PSMD5: variants seen among roughly 807,000 people sequenced by gnomAD.
PSMD5 encodes the protein proteasome 26S subunit, non-ATPase 5.
Under a neutral mutation model 52.1 loss-of-function variants are expected in PSMD5, and 40 were observed. The observed-to-expected ratio is 0.77, with a 90% CI of 0.60 to 1.00. The LOEUF (loss-of-function observed/expected upper bound fraction) is 1.00. PSMD5 is among the 50% of genes least tolerant of loss of function. The pLI is 0.00. For missense variants in PSMD5, 575 were observed against 605.2 expected (o/e 0.95, Z 0.52); for synonymous variants, 211 against 226.6 (o/e 0.93, Z 0.62).
chr9:120,833,441 C>T lies in PSMD5; in HGVS notation c.189G>A (p.Leu63=), dbSNP rs926857885. The T allele has an allele frequency of 1.9e-6, 3 of 1,613,504 alleles. No individual in the cohort carries two copies. Among genetic ancestry groups the T allele is most frequent in the Middle Eastern group, 1.7e-4 (1 of 6,042 alleles). ...LNENHREKTT[L]CVSILERLLQ... ...GCAATCTCTCCAGAATGGATACACACAAAGTAGTCTTTTCCCTGAAGGAGA... is the reference window on the plus strand; with the variant it reads ...GCAATCTCTCCAGAATGGATACACATAAAGTAGTCTTTTCCCTGAAGGAGA... The change falls in exon 2 of 10, where the codon TTG becomes TTA. Residue 63 remains leucine, a synonymous_variant. Transcript: ENST00000210313.
At chr9:120,827,459 T>G (rs2045130386) in intron 5 of PSMD5, among the ~76,000 whole-genome samples, 1 of 152,238 alleles carries the variant, frequency 6.6e-6, no homozygotes, top group Admixed American at 6.5e-5. Context: ...TTAACAATAA[T>G]TCTTTGGTAT....
Position 120,842,763 on chromosome 9 carries a change from G to A in PSMD5, c.147C>T (p.Leu49=), listed in dbSNP as rs1206631291. The change falls in exon 1 of 10, where the codon CTC becomes CTT. Residue 49 remains leucine, a synonymous_variant. Transcript: ENST00000210313. ...TATGGTTCTCGTTAAGCAGGGAGAA[G>A]AGCGGGCCGAGGCGCAGCTCCGCCG... The part of the protein sequence containing the change: ...QQAAELRLGP[L]FSLLNENHRE... 3 of 1,613,278 alleles carry A rather than the reference G, an allele frequency of 1.9e-6. No individual in the cohort carries two copies. Among genetic ancestry groups the A allele is most frequent in the South Asian group, 1.1e-5 (1 of 91,076 alleles).
chr9:120,829,120 G>T lies in PSMD5; in HGVS notation c.650C>A (p.Thr217Asn), dbSNP rs771002535. Reference protein sequence around the residue: ...GLVTQLLRELTGEDVLVRATC... With the variant: ...GLVTQLLRELNGEDVLVRATC... Reference sequence around the variant, plus strand: ...ACACCTGACCAACACATCCTCACCAGTCAGCTCTCTCAGGAGCTGGGTTAC... The same window carrying T: ...ACACCTGACCAACACATCCTCACCATTCAGCTCTCTCAGGAGCTGGGTTAC... The change falls in exon 5 of 10, where the codon ACT (threonine) becomes AAT (asparagine). Residue 217 changes from threonine (T) to asparagine (N), a missense_variant. Thr to Asn is a moderately conservative substitution (Grantham distance 65). Coordinates refer to ENST00000210313, the MANE Select transcript of PSMD5 (RefSeq NM_005047.4). The T allele has an allele frequency of 1.4e-5, 22 of 1,600,832 alleles. No individual in the cohort carries two copies. Among genetic ancestry groups the T allele is most frequent in the Middle Eastern group, 1.7e-4 (1 of 5,996 alleles).
rs1240790191 is a variant in PSMD5, at chr9:120,831,864, T to C, written c.400A>G (p.Ile134Val). 7.4e-6 allele frequency: 12 copies of C among 1,613,334 alleles called. No homozygotes were observed. Among genetic ancestry groups the C allele is most frequent in the Non-Finnish European group, 1.0e-5 (12 of 1,179,890 alleles). The change falls in exon 3 of 10, where the codon ATT (isoleucine) becomes GTT (valine). Residue 134 changes from isoleucine to valine, a missense_variant. Physicochemically the swap from Ile to Val is conservative, Grantham distance 29. Transcript: ENST00000210313. ...AELLKQIVYC[I>V]GGENLSVAKA... is the part of the protein sequence containing the mutation. ...GCTACAGATAGATTCTCTCCACCAA[T>C]GCAATAAACAATTTGTTTTAGTAAT...
intron 7 of PSMD5, 89 bp from the exon 8 acceptor site, chr9:120,821,553 T>A: frequency 1.1e-6 from 1 of 873,538 alleles, no homozygotes; most frequent in Non-Finnish European, 1.7e-6. Flanking sequence ...TAGTGTATAG[T>A]TCAGTGCTAT....
intron 9 of PSMD5, among the ~76,000 whole-genome samples, chr9:120,819,164 C>A (rs1588065358): frequency 6.6e-6 from 1 of 152,120 alleles, no homozygotes; most frequent in African/African-American, 2.4e-5. Context: ...AAAGAAGTAA[C>A]AAGTTTATGG....
chr9:120,831,251 T>TA, intron 4 of PSMD5, 80 bp downstream of exon 4: 1 of 1,418,558 alleles, frequency 7.0e-7, no homozygotes, highest in Non-Finnish European at 9.4e-7. Flanking sequence ...ATTATATACT[T>TA]AATGAGCCAT....
At position 120,833,322 on chromosome 9, in the gene PSMD5, G is replaced by A; in HGVS notation, c.308C>T (p.Thr103Ile). 1 of 1,613,992 alleles carries A rather than the reference G, an allele frequency of 6.2e-7. No individual in the cohort carries two copies. The highest frequency in any genetic ancestry group is 8.5e-7 in the Non-Finnish European group (1 of 1,179,892). ...IHPDDSVKILTLSQIGRIVEN... is the reference protein window; with the variant it reads ...IHPDDSVKILILSQIGRIVEN... ...AGTAGAATTTCATACCTGGGAAAGA[G>A]TGAGGATTTTTACAGAATCATCAGG... The change falls in exon 2 of 10, where the codon ACT (threonine) becomes ATT (isoleucine). Residue 103 changes from threonine (T) to isoleucine (I), a missense_variant. Thr to Ile is a moderately conservative substitution (Grantham distance 89). Transcript: ENST00000210313.
At chr9:120,831,802 C>T in intron 3 of PSMD5, 30 bp downstream of exon 3, 1 of 1,600,596 alleles carries the variant, frequency 6.2e-7, no homozygotes, top group Non-Finnish European at 8.5e-7. Flanking sequence ...TGTCTCTGCA[C>T]ATTTAAGTCA....
chr9:120,824,948 C>T (rs1445744533), intron 6 of PSMD5: 1 of 295,386 alleles, frequency 3.4e-6, no homozygotes, highest in Non-Finnish European at 6.2e-6. Flanking sequence ...GAAAAAGGAC[C>T]AGTGGATACA....
chr9:120,821,025 G>T, intron 8 of PSMD5, 46 bp from the exon 9 acceptor site: 1 of 1,527,618 alleles, frequency 6.5e-7, no homozygotes, highest in Non-Finnish European at 8.7e-7. Flanking sequence ...AACTGATCTG[G>T]AGAAAAGCAC....
chr9:120,823,354 A>G (rs1335181387), intron 7 of PSMD5, among the ~76,000 whole-genome samples: 1 of 150,630 alleles, frequency 6.6e-6, no homozygotes, highest in Non-Finnish European at 1.5e-5. Context: ...GACTGCAGGC[A>G]TGCACCACCA....
intron 1 of PSMD5, among the ~76,000 whole-genome samples, chr9:120,837,391 C>T (rs115468503): frequency 6.6e-6 from 1 of 152,236 alleles, no homozygotes; most frequent in South Asian, 2.1e-4. Flanking sequence ...GACAAGCTCT[C>T]TCTGTCACCC....
chr9:120,842,756 G>A lies in PSMD5; in HGVS notation c.154C>T (p.Leu52=), dbSNP rs1265976814. ...TCTCACCTATGGTTCTCGTTAAGCAGGGAGAAGAGCGGGCCGAGGCGCAGC... is the reference window on the plus strand; with the variant it reads ...TCTCACCTATGGTTCTCGTTAAGCAAGGAGAAGAGCGGGCCGAGGCGCAGC... ...AELRLGPLFS[L]LNENHREKTT... The change falls in exon 1 of 10, where the codon CTG becomes TTG. Residue 52 remains leucine, a synonymous_variant. Coordinates refer to ENST00000210313, the MANE Select transcript of PSMD5 (RefSeq NM_005047.4). The A allele has an allele frequency of 6.2e-7, 1 of 1,613,350 alleles. No individual in the cohort carries two copies. Among genetic ancestry groups the A allele is most frequent in the Non-Finnish European group, 8.5e-7 (1 of 1,180,014 alleles).
In PSMD5 at chr9:120,820,856, C is replaced by A. The variant is rs2131420257; in HGVS notation, c.1240G>T (p.Ala414Ser). The A allele has an allele frequency of 6.3e-7, 1 of 1,588,734 alleles. No individual in the cohort carries two copies. ...ATACCTACCGTAAACACTTTTAAGGCAGCACAGTGTAGTTCAGGGAAGGGC... is the reference window on the plus strand; with the variant it reads ...ATACCTACCGTAAACACTTTTAAGGAAGCACAGTGTAGTTCAGGGAAGGGC... ...SQPFPELHCA[A>S]LKVFTAIANQ... The change falls in exon 9 of 10, where the codon GCC (alanine) becomes TCC (serine). Residue 414 changes from alanine (A) to serine (S), a missense_variant. Ala to Ser is a moderately conservative substitution (Grantham distance 99). Transcript: ENST00000210313.
intron 4 of PSMD5, among the ~76,000 whole-genome samples, chr9:120,830,104 A>G (rs186149493): frequency 9.8e-5 from 15 of 152,326 alleles, no homozygotes; most frequent in Admixed American, 3.3e-4. Context: ...ATGAAGAGAA[A>G]TGCAGGGGTT....
At position 120,826,804 on chromosome 9, in the gene PSMD5, C is replaced by T. The variant is rs1340732161; in HGVS notation, c.775G>A (p.Gly259Arg). 5 of 1,613,830 alleles carry T rather than the reference C, an allele frequency of 3.1e-6. No homozygotes were observed. In the South Asian group the frequency reaches 3.3e-5, roughly 11 times the overall value. Reference sequence around the variant, plus strand: ...CTAGAGAAAGGGTCTGAATCTGCCCCAACAATTATATTAGAAATTTGGTCA... The same window carrying T: ...CTAGAGAAAGGGTCTGAATCTGCCCTAACAATTATATTAGAAATTTGGTCA... ...VIDQISNIIV[G>R]ADSDPFSSFY... is the part of the protein sequence containing the mutation. Residue 259 changes from glycine to arginine, a missense_variant, in exon 6 of 10, where the codon GGG becomes AGG. By Grantham distance (125) the Gly-to-Arg change is moderately radical. Transcript: ENST00000210313.
intron 6 of PSMD5, 171 bp from the exon 7 acceptor site, chr9:120,824,856 G>A (rs2045112039): frequency 5.5e-6 from 3 of 544,976 alleles, no homozygotes; most frequent in Non-Finnish European, 6.3e-6. Flanking sequence ...TGAAGGACCT[G>A]TGATGTGTGA....
Position 120,817,717 on chromosome 9 carries a change from AT to A in PSMD5, c.*188del. 1 of 659,034 alleles carries A rather than the reference AT, an allele frequency of 1.5e-6. No individual in the cohort carries two copies. Among genetic ancestry groups the A allele is most frequent in the Admixed American group, 3.0e-5 (1 of 33,458 alleles). The allele number at this position is 659,034 out of a possible 1,614,324, so 40.8% of individuals were successfully genotyped here. On this transcript the variant is annotated 3_prime_UTR_variant, in exon 10 of 10. Coordinates refer to ENST00000210313, the MANE Select transcript of PSMD5 (RefSeq NM_005047.4). Reference sequence around the variant, plus strand: ...GACCAAGCTTGTCTGCTCTTAATGCATTCCAAACTCCTAGTTCCACTTTGCA... The same window carrying A: ...GACCAAGCTTGTCTGCTCTTAATGCATCCAAACTCCTAGTTCCACTTTGCA...
Sources: allele counts gnomAD v4.1 joint callset (sites outside exome capture counted in the v4.1 genomes callset), GRCh38; gene constraint gnomAD v4.1.1; transcripts MANE v1.5; gene names NCBI Gene and HGNC (gene_info 2026-07-23, HGNC 2026-07-21).